CAPZB: variants seen among roughly 807,000 people sequenced by gnomAD.
The protein encoded by CAPZB is capping actin protein of muscle Z-line subunit beta, also known as F-actin-capping protein subunit beta.
Under a neutral mutation model 38.1 loss-of-function variants are expected in CAPZB, and 2 were observed. The ratio of observed to expected loss-of-function variants is 0.05; its 90% CI spans 0.02 to 0.17. The LOEUF (loss-of-function observed/expected upper bound fraction) is 0.17. CAPZB is among the 10% of genes least tolerant of loss of function. The probability of loss-of-function intolerance (pLI) is 1.00; values close to 1 mark genes in which losing one functional copy is unlikely to be tolerated. For synonymous variants in CAPZB, 107 were observed against 127.4 expected, an observed-to-expected ratio of 0.84 and a Z score of 1.08; for missense variants, 161 against 334.2, an observed-to-expected ratio of 0.48 and a Z score of 4.04.
intron 2 of CAPZB, among the ~76,000 whole-genome samples, chr1:19,417,580 G>A (rs913990443): frequency 5.3e-5 from 8 of 152,128 alleles, no homozygotes; most frequent in Non-Finnish European, 1.0e-4. Context: ...ATATGGCTGC[G>A]CATGAGGCAC....
At chr1:19,468,789 C>T (rs1296382253) in intron 1 of CAPZB, among the ~76,000 whole-genome samples, 1 of 152,156 alleles carries the variant, frequency 6.6e-6, no homozygotes, top group African/African-American at 2.4e-5. Flanking sequence ...TGAGTCGGCA[C>T]ACGCCGTCTC....
intron 1 of CAPZB, among the ~76,000 whole-genome samples, chr1:19,436,362 G>A (rs1211068036): frequency 6.6e-6 from 1 of 152,150 alleles, no homozygotes; most frequent in East Asian, 1.9e-4. Context: ...CAGTGCTTGC[G>A]TTCAAGTTAC....
chr1:19,412,436 G>T (rs1203969308), intron 2 of CAPZB, among the ~76,000 whole-genome samples: 1 of 152,090 alleles, frequency 6.6e-6, no homozygotes, highest in African/African-American at 2.4e-5. Flanking sequence ...TTATGGATTG[G>T]AATACAATTT....
At chr1:19,427,582 C>T (rs1033295028) in intron 1 of CAPZB, among the ~76,000 whole-genome samples, 2 of 152,170 alleles carry the variant, frequency 1.3e-5, no homozygotes, top group African/African-American at 2.4e-5. Flanking sequence ...AATCCTGGGC[C>T]GGCCCAGCCG....
chr1:19,401,837 T>C (rs1018717373), intron 2 of CAPZB, among the ~76,000 whole-genome samples: 2 of 152,202 alleles, frequency 1.3e-5, no homozygotes, highest in Non-Finnish European at 2.9e-5. Flanking sequence ...GTTGGCCCCC[T>C]GCTCCACCCA....
chr1:19,348,486 G>C (rs964717817), intron 6 of CAPZB, among the ~76,000 whole-genome samples: 1 of 152,130 alleles, frequency 6.6e-6, no homozygotes, highest in African/African-American at 2.4e-5. Flanking sequence ...GGGCTATCCA[G>C]GCCTGGCGGT....
chr1:19,339,856 T>C (rs2093918460), intron 8 of CAPZB, among the ~76,000 whole-genome samples: 1 of 152,226 alleles, frequency 6.6e-6, no homozygotes, highest in African/African-American at 2.4e-5. Flanking sequence ...ATGGCTTACA[T>C]GGACAGGTGC....
intron 4 of CAPZB, among the ~76,000 whole-genome samples, chr1:19,362,241 T>C (rs2094057052): frequency 6.6e-6 from 1 of 152,082 alleles, no homozygotes; most frequent in African/African-American, 2.4e-5. Flanking sequence ...TGGAGTGCTT[T>C]ATTTTATTTT....
chr1:19,479,918 CCCCTGA>C lies in CAPZB; in HGVS notation c.3+5512_3+5517del, dbSNP rs1201685160. ...GCATCTACTGCTTGTGTGACCACAC[CCCCTGA>C]CCTCTGCTTTTGTGCCAGTCCCCTT... On this transcript the variant is annotated intron_variant, in intron 1 of 8. Coordinates refer to ENST00000264202, the MANE Select transcript of CAPZB (RefSeq NM_004930.5). Among the ~76,000 whole-genome samples the C allele has an allele frequency of 3.3e-5, 5 of 152,242 alleles. No individual in the cohort carries two copies. The East Asian group carries it at 5.8e-4, about 18-fold the overall frequency.
At chr1:19,390,488 A>G (rs1220349699) in intron 2 of CAPZB, among the ~76,000 whole-genome samples, 4 of 152,256 alleles carry the variant, frequency 2.6e-5, no homozygotes, top group African/African-American at 9.6e-5. Flanking sequence ...GGATTTAAAC[A>G]TAATTCCCAG....
intron 4 of CAPZB, among the ~76,000 whole-genome samples, chr1:19,368,987 G>A (rs995411707): frequency 3.3e-5 from 5 of 152,218 alleles, no homozygotes; most frequent in African/African-American, 1.2e-4. Context: ...ACTCCAACAT[G>A]TGCAACGGCC....
chr1:19,361,543 G>A (rs557061323), intron 4 of CAPZB, among the ~76,000 whole-genome samples: 38 of 152,360 alleles, frequency 2.5e-4, no homozygotes, highest in African/African-American at 8.7e-4. Context: ...GTGACTGCAG[G>A]GCGCACAGAC....
chr1:19,440,044 G>A (rs1023456784), intron 1 of CAPZB, among the ~76,000 whole-genome samples: 31 of 152,202 alleles, frequency 2.0e-4, no homozygotes, highest in African/African-American at 7.5e-4. Flanking sequence ...CCCTACAGCT[G>A]ACGTAAAATA....
intron 1 of CAPZB, among the ~76,000 whole-genome samples, chr1:19,467,753 C>G (rs2094573586): frequency 6.6e-6 from 1 of 152,198 alleles, no homozygotes; most frequent in Non-Finnish European, 1.5e-5. Context: ...GAAAGCCTCC[C>G]CATTCACAAA....
At chr1:19,349,939 A>G (rs1313293355) in intron 6 of CAPZB, among the ~76,000 whole-genome samples, 1 of 152,212 alleles carries the variant, frequency 6.6e-6, no homozygotes, top group African/African-American at 2.4e-5. Context: ...CCATTTGTGC[A>G]CTGCATATAT....
At chr1:19,440,456 C>T (rs2094472155) in intron 1 of CAPZB, among the ~76,000 whole-genome samples, 1 of 152,098 alleles carries the variant, frequency 6.6e-6, no homozygotes. Flanking sequence ...CCCTGAAATC[C>T]AACCCTCACA....
intron 1 of CAPZB, among the ~76,000 whole-genome samples, chr1:19,464,481 C>T (rs1010907744): frequency 4.0e-5 from 6 of 151,848 alleles, no homozygotes; most frequent in Admixed American, 2.0e-4. Flanking sequence ...CTAGTAGAGA[C>T]GGGGTTTCAC....
At chr1:19,342,578 G>A (rs768302358) in intron 8 of CAPZB, among the ~76,000 whole-genome samples, 4 of 152,190 alleles carry the variant, frequency 2.6e-5, no homozygotes, top group African/African-American at 4.8e-5. Context: ...GATAGGTGCC[G>A]TGTTACATGG....
At chr1:19,350,987 CTT>C (rs72134938) in intron 6 of CAPZB, among the ~76,000 whole-genome samples, 8 of 140,748 alleles carry the variant, frequency 5.7e-5, no homozygotes, top group East Asian at 2.1e-4. Context: ...ATGATCTTTC[CTT>C]TTTTTTTTTT....
Sources: gnomAD v4.1 joint callset for allele counts (sites outside exome capture counted in the v4.1 genomes callset) on GRCh38, gnomAD v4.1.1 for gene constraint, MANE v1.5 for transcripts, NCBI Gene and HGNC (gene_info 2026-07-23, HGNC 2026-07-21) for gene names.